The following SGSM3 variants were observed in gnomAD, a reference collection of about 807,000 sequenced individuals.
The protein encoded by SGSM3 is small G protein signaling modulator 3.
In SGSM3, 96 loss-of-function variants were observed where a neutral mutation model predicts 100.5. The ratio of observed to expected loss-of-function variants is 0.96; its 90% confidence interval spans 0.81 to 1.13. The LOEUF (loss-of-function observed/expected upper bound fraction) is 1.13, where lower values mean the gene tolerates loss of function less well. SGSM3 is among the 50% of genes most tolerant of loss of function. The pLI is 0.00. For synonymous variants in SGSM3, 483 were observed against 422.8 expected (o/e 1.14, Z -1.75); for missense variants, 1,001 against 1,015.8 (o/e 0.99, Z 0.20).
In SGSM3 at chr22:40,405,663, CCTG is replaced by C. The variant is rs2051385512; in HGVS notation, c.637_639del (p.Leu213del). 6.2e-7 allele frequency: 1 copy of C among 1,613,092 alleles called. No homozygotes were observed. ...GCCCTGGCCAGGTGGCCGCCTGCCT[CCTG>C]CTGTTCCTGGAGGAGGAGGACGCCT... is the stretch of plus-strand genomic sequence containing the variant. On this transcript the variant is annotated inframe_deletion, in exon 8 of 22. Transcript: ENST00000248929.
At chr22:40,385,974 C>T (rs2048354199) in intron 1 of SGSM3, among the ~76,000 whole-genome samples, 1 of 152,030 alleles carries the variant, frequency 6.6e-6, no homozygotes, top group South Asian at 2.1e-4. Flanking sequence ...ATCTCAACTT[C>T]CCAGGTAGCT....
chr22:40,397,968 CTTT>C (rs1157147821), intron 1 of SGSM3, among the ~76,000 whole-genome samples: 4 of 116,432 alleles, frequency 3.4e-5, no homozygotes, highest in African/African-American at 1.1e-4. Flanking sequence ...CCAATTCTGT[CTTT>C]TTTTTTTTTT....
At chr22:40,403,756 G>A (rs2051063353) in intron 4 of SGSM3, among the ~76,000 whole-genome samples, 1 of 152,188 alleles carries the variant, frequency 6.6e-6, no homozygotes, top group Non-Finnish European at 1.5e-5. Flanking sequence ...AAGGGTCACT[G>A]TGGCTGCTGA....
intron 3 of SGSM3, among the ~76,000 whole-genome samples, chr22:40,401,901 G>A (rs1395487095): frequency 6.6e-6 from 1 of 152,204 alleles, no homozygotes; most frequent in Non-Finnish European, 1.5e-5. Context: ...TTCTTGCCTT[G>A]ATTTTATTAT....
intron 1 of SGSM3, chr22:40,373,366 C>T (rs1179742004): frequency 6.6e-6 from 1 of 152,216 alleles, no homozygotes; most frequent in Non-Finnish European, 1.5e-5. Context: ...AAGAAGCAGA[C>T]TCTACATTCT....
intron 1 of SGSM3, chr22:40,376,178 CTTTTTTTT>C (rs10616868): frequency 3.5e-3 from 304 of 86,824 alleles, no homozygotes; most frequent in African/African-American, 0.012. Context: ...CAAATTACCA[CTTTTTTTT>C]TTTTTTTTTT....
chr22:40,405,915 T>C (rs981042444), intron 8 of SGSM3, 71 bp downstream of exon 8: 4 of 1,513,708 alleles, frequency 2.6e-6, no homozygotes, highest in Non-Finnish European at 2.7e-6. Flanking sequence ...CGAGTGGGGA[T>C]AGGGCACAGC....
rs374403431 is a variant in SGSM3 at position 40,405,503 on chromosome 22, A to G, written c.619-146A>G. The G allele has an allele frequency of 6.7e-6, 6 of 892,978 alleles. No individual in the cohort carries two copies. In the East Asian group the frequency reaches 7.5e-5, roughly 11 times the overall value. The allele number at this position is 892,978 out of a possible 1,614,324, so 55.3% of individuals were successfully genotyped here. A position where few individuals can be genotyped will look rare whatever the true frequency, so the allele number is the denominator to read the frequency against. On this transcript the variant is annotated intron_variant, in intron 7 of 21. Transcript: ENST00000248929. ...AAGGGATGTGAAAGTGAGGCAGGCC[A>G]AGGAAAGCAGCCCAGGGAAGGCCTG...
intron 1 of SGSM3, among the ~76,000 whole-genome samples, chr22:40,377,672 C>CA (rs964048754): frequency 6.0e-5 from 9 of 150,404 alleles, no homozygotes; most frequent in African/African-American, 2.0e-4. Context: ...CCTGTCTCTA[C>CA]AAAAAAAAAC....
At chr22:40,376,731 C>T (rs900404625) in intron 1 of SGSM3, among the ~76,000 whole-genome samples, 1 of 151,900 alleles carries the variant, frequency 6.6e-6, no homozygotes, top group African/African-American at 2.4e-5. Flanking sequence ...AGGATTAGAA[C>T]TTAGTCTGAC....
Position 40,407,892 on chromosome 22 carries a change from G to T in SGSM3, c.1579+49G>T. The T allele has an allele frequency of 6.6e-7, 1 of 1,509,488 alleles. No individual in the cohort carries two copies. Among genetic ancestry groups the T allele is most frequent in the Non-Finnish European group, 9.1e-7 (1 of 1,098,510 alleles). The allele number at this position is 1,509,488 out of a possible 1,614,324, so 93.5% of individuals were successfully genotyped here. ...AGCTGGGAGAGGGAGGAGGGGGTGG[G>T]CACAGAAGACTTGGGTGACCCTGGC... On this transcript the variant is annotated intron_variant, in intron 14 of 21. Transcript: ENST00000248929. The surrounding 1 kb of genome is among the most constrained non-coding windows in gnomAD (Gnocchi z 4.7).
rs774777279 is a variant in SGSM3, at chr22:40,406,069, T to G, written c.815-9T>G. 1.2e-6 allele frequency: 2 copies of G among 1,611,518 alleles called. No homozygotes were observed. The highest frequency in any genetic ancestry group is 1.7e-5 in the Admixed American group (1 of 59,928). The stretch of plus-strand genomic sequence containing the variant: ...TCCTCCCCAGCGGCTTTGGCTCCTG[T>G]GTTTACAGAGCTGTCCCTGATCACA... On this transcript the variant is annotated splice_polypyrimidine_tract_variant and intron_variant, in intron 8 of 21. Transcript: ENST00000248929.
In SGSM3 at chr22:40,409,488, G is replaced by A; in HGVS notation, c.2135G>A (p.Ser712Asn). Residue 712 changes from serine (S) to asparagine (N), a missense_variant, in exon 21 of 22, where the codon AGC (serine) becomes AAC (asparagine). By Grantham distance (46) the Ser-to-Asn change is conservative. Transcript: ENST00000248929. ...AGAGTCCTCTGCTGCTTTGCCTTCA[G>A]CCTCTCCCAGGACTGGGAGCTCCCT... ...ELRVLCCFAF[S>N]LSQDWELPAK... 6 of 1,586,900 alleles carry A rather than the reference G, an allele frequency of 3.8e-6. No individual in the cohort carries two copies. Among genetic ancestry groups the A allele is most frequent in the Non-Finnish European group, 5.1e-6 (6 of 1,166,358 alleles).
chr22:40,410,019 C>T lies in SGSM3; in HGVS notation c.*260C>T. 7.5e-7 allele frequency: 1 copy of T among 1,328,884 alleles called. No individual in the cohort carries two copies. Among genetic ancestry groups the T allele is most frequent in the Non-Finnish European group, 9.6e-7 (1 of 1,044,916 alleles). 82.3% of individuals were successfully genotyped at this position (1,328,884 alleles called of 1,614,324 possible). ...TTGTGAGGAGGTGGGGGAGCCATGT[C>T]TGTGCTCAGGAAGAGGGAAGGGGAT... On this transcript the variant is annotated 3_prime_UTR_variant, in exon 22 of 22. Coordinates refer to ENST00000248929, the MANE Select transcript of SGSM3 (RefSeq NM_015705.6).
rs537755675 is a variant in SGSM3, at chr22:40,409,861, C to T, written c.*102C>T. On this transcript the variant is annotated 3_prime_UTR_variant, in exon 22 of 22. Coordinates refer to ENST00000248929, the MANE Select transcript of SGSM3 (RefSeq NM_015705.6). ...GCAGCTCCAGAGCCCTGGCCGGGGC[C>T]GCGGGATATCAATATCAGGCTGCCC... 6.0e-5 allele frequency: 88 copies of T among 1,477,136 alleles called. No individual in the cohort carries two copies. Among genetic ancestry groups the T allele is most frequent in the Admixed American group, 1.2e-4 (5 of 41,286 alleles). 91.5% of individuals were successfully genotyped at this position (1,477,136 alleles called of 1,614,324 possible).
chr22:40,372,718 C>T (rs2045826401), intron 1 of SGSM3: 1 of 152,186 alleles, frequency 6.6e-6, no homozygotes, highest in African/African-American at 2.4e-5. Context: ...AGCCATCTTT[C>T]TATGCCTGGA....
chr22:40,402,109 C>T (rs374040452), intron 3 of SGSM3, 30 bp from the exon 4 acceptor site: 2 of 1,577,196 alleles, frequency 1.3e-6, no homozygotes, highest in Non-Finnish European at 8.7e-7. Context: ...AGGGGACAGG[C>T]AACTGACTTC....
In SGSM3 at chr22:40,409,780, C is replaced by A. The variant is rs1358805181; in HGVS notation, c.*21C>A. ...GGTGACCCCCTCCTCCCCAGCCCAA[C>A]CTCGGGCCTGCGTCTGAGGTGGCCC... On this transcript the variant is annotated 3_prime_UTR_variant, in exon 22 of 22. Transcript: ENST00000248929. 6.2e-6 allele frequency: 10 copies of A among 1,600,440 alleles called. No individual in the cohort carries two copies. Among genetic ancestry groups the A allele is most frequent in the Non-Finnish European group, 7.6e-6 (9 of 1,177,400 alleles).
At position 40,409,513 on chromosome 22, in the gene SGSM3, T is replaced by C; in HGVS notation, c.2160T>C (p.Pro720=). The C allele has an allele frequency of 6.3e-7, 1 of 1,597,900 alleles. No homozygotes were observed. The highest frequency in any genetic ancestry group is 1.3e-5 in the African/African-American group (1 of 74,112). Residue 720 remains proline (P), a synonymous_variant, in exon 21 of 22, where the codon CCT becomes CCC. Transcript: ENST00000248929. ...AFSLSQDWEL[P]AKREAQQPLK... Reference sequence around the variant, plus strand: ...GCCTCTCCCAGGACTGGGAGCTCCCTGCGAAGAGAGAGGTGGGTGGTGTGG... The same window carrying C: ...GCCTCTCCCAGGACTGGGAGCTCCCCGCGAAGAGAGAGGTGGGTGGTGTGG...
Sources: gnomAD v4.1 joint callset for allele counts (sites outside exome capture counted in the v4.1 genomes callset) on GRCh38, gnomAD v4.1.1 for gene constraint, Gnocchi (gnomAD v3.1) non-coding constraint, MANE v1.5 for transcripts, NCBI Gene and HGNC (gene_info 2026-07-23, HGNC 2026-07-21) for gene names.